RERE: variants seen among roughly 807,000 people sequenced by gnomAD.
RERE encodes arginine-glutamic acid dipeptide repeats protein.
RERE carries 40 observed loss-of-function variants against 146.1 expected under a neutral mutation model. The ratio of observed to expected loss-of-function variants is 0.27; its 90% CI spans 0.21 to 0.36. The LOEUF (loss-of-function observed/expected upper bound fraction) is 0.36, where lower values mean the gene tolerates loss of function less well. RERE is among the 10% of genes least tolerant of loss of function. The pLI is 1.00. For missense variants in RERE, 1,933 were observed against 2,138.7 expected (o/e 0.90, Z 1.90); for synonymous variants, 1,003 against 866.0 (o/e 1.16, Z -2.78).
intron 12 of RERE, among the ~76,000 whole-genome samples, chr1:8,399,005 G>A (rs991416088): frequency 6.6e-6 from 1 of 152,028 alleles, no homozygotes; most frequent in Non-Finnish European, 1.5e-5. Flanking sequence ...TAGTGAGGCT[G>A]CAAAACTTTG....
chr1:8,397,443 C>A (rs1463237528), intron 12 of RERE, among the ~76,000 whole-genome samples: 1 of 148,088 alleles, frequency 6.8e-6, no homozygotes, highest in Non-Finnish European at 1.5e-5. Flanking sequence ...ACCCCAAACC[C>A]CCAGAGAATA....
chr1:8,497,315 T>C, intron 9 of RERE, 90 bp downstream of exon 9: 1 of 1,430,524 alleles, frequency 7.0e-7, no homozygotes, highest in Admixed American at 1.9e-5. Flanking sequence ...AATATAGAAA[T>C]AAAATCTCAG....
At chr1:8,784,581 T>C (rs918862718) in intron 1 of RERE, among the ~76,000 whole-genome samples, 4 of 152,156 alleles carry the variant, frequency 2.6e-5, no homozygotes, top group South Asian at 2.1e-4. Flanking sequence ...TGTATATGTA[T>C]ATGTCTTTTT....
intron 12 of RERE, among the ~76,000 whole-genome samples, chr1:8,403,373 T>C (rs950364278): frequency 6.6e-6 from 1 of 152,104 alleles, no homozygotes; most frequent in East Asian, 1.9e-4. Flanking sequence ...TTGTTTCTAA[T>C]ACTGTTTACT....
intron 4 of RERE, among the ~76,000 whole-genome samples, chr1:8,567,138 T>C (rs1001935886): frequency 9.2e-5 from 14 of 152,090 alleles, no homozygotes; most frequent in African/African-American, 2.4e-4. Context: ...ATGAAAGAAA[T>C]AGAAGACCAT....
chr1:8,762,445 C>A (rs1640772704), intron 1 of RERE, among the ~76,000 whole-genome samples: 1 of 152,076 alleles, frequency 6.6e-6, no homozygotes, highest in Admixed American at 6.6e-5. Flanking sequence ...AACTTGTGCC[C>A]ATTTACTTAA....
At chr1:8,363,792 GC>G (rs1379237210) in intron 15 of RERE, 6 of 528,616 alleles carry the variant, frequency 1.1e-5, no homozygotes. Flanking sequence ...AGCAAGAGGG[GC>G]CTTGGAGAGC....
rs535214061 is a variant in RERE at position 8,479,299 on chromosome 1, A to AT, written c.1105-13277dup. ...ATAATAATAATGAGCTATTTTTTAA[A>AT]TTTTTTTTAAATTTTTTTTAAATTT... On this transcript the variant is annotated intron_variant, in intron 10 of 22. Coordinates refer to ENST00000400908, the MANE Select transcript of RERE (RefSeq NM_001042681.2). 3.3e-5 allele frequency among the ~76,000 whole-genome samples: 5 copies of AT among 151,504 alleles called. No homozygotes were observed. The East Asian group carries it at 5.8e-4, about 18-fold the overall frequency.
chr1:8,491,625 C>A (rs533930038), intron 10 of RERE, among the ~76,000 whole-genome samples: 1 of 152,146 alleles, frequency 6.6e-6, no homozygotes, highest in African/African-American at 2.4e-5. Context: ...CTCAAACAAA[C>A]AAACAAACAA....
intron 7 of RERE, among the ~76,000 whole-genome samples, chr1:8,533,696 T>C (rs1237227443): frequency 3.9e-5 from 6 of 152,228 alleles, no homozygotes; most frequent in Non-Finnish European, 8.8e-5. Context: ...CAATCCAGCC[T>C]CACCATGAGC....
chr1:8,545,459 A>G (rs1046218589), intron 6 of RERE, among the ~76,000 whole-genome samples: 2 of 152,142 alleles, frequency 1.3e-5, no homozygotes, highest in African/African-American at 2.4e-5. Context: ...AATACAAATG[A>G]AAACTGTGGC....
intron 12 of RERE, among the ~76,000 whole-genome samples, chr1:8,367,078 T>C (rs1475612531): frequency 6.6e-6 from 1 of 152,198 alleles, no homozygotes; most frequent in African/African-American, 2.4e-5. Flanking sequence ...ACCCTCACTT[T>C]GTCTCATCAA....
intron 1 of RERE, among the ~76,000 whole-genome samples, chr1:8,730,047 A>G (rs146900343): frequency 3.0e-4 from 46 of 152,376 alleles, no homozygotes; most frequent in African/African-American, 1.1e-3. Flanking sequence ...CAAAGAGAAG[A>G]TTTCAAGTAA....
intron 1 of RERE, among the ~76,000 whole-genome samples, chr1:8,811,227 CT>C (rs928905152): frequency 6.6e-6 from 1 of 152,162 alleles, no homozygotes; most frequent in African/African-American, 2.4e-5. Context: ...CACACTCCCC[CT>C]GAACTGTATT....
intron 12 of RERE, among the ~76,000 whole-genome samples, chr1:8,409,865 A>C (rs1304016834): frequency 6.6e-6 from 1 of 151,908 alleles, no homozygotes; most frequent in Non-Finnish European, 1.5e-5. Flanking sequence ...TATTTCATGC[A>C]TGATGATGTT....
At chr1:8,445,684 C>CT (rs879168605) in intron 11 of RERE, among the ~76,000 whole-genome samples, 71 of 146,064 alleles carry the variant, frequency 4.9e-4, no homozygotes, top group South Asian at 8.7e-4. Flanking sequence ...GGAACCCCAC[C>CT]TTTTTTTTTT....
At chr1:8,645,767 C>G (rs1156749475) in intron 2 of RERE, among the ~76,000 whole-genome samples, 1 of 152,198 alleles carries the variant, frequency 6.6e-6, no homozygotes, top group Non-Finnish European at 1.5e-5. Flanking sequence ...TCCCATTTCT[C>G]TAATTAGAAT....
At chr1:8,731,775 T>C (rs1296556564) in intron 1 of RERE, among the ~76,000 whole-genome samples, 2 of 31,906 alleles carry the variant, frequency 6.3e-5, no homozygotes, top group African/African-American at 5.1e-4. Flanking sequence ...CTAAACATAA[T>C]GTTTTTTTGT....
intron 10 of RERE, among the ~76,000 whole-genome samples, chr1:8,473,755 C>T (rs1644720403): frequency 6.6e-6 from 1 of 152,216 alleles, no homozygotes; most frequent in Non-Finnish European, 1.5e-5. Flanking sequence ...GGGCCTAACA[C>T]CACCAGCCCT....
Sources: gnomAD v4.1 joint callset for allele counts (sites outside exome capture counted in the v4.1 genomes callset) on GRCh38, gnomAD v4.1.1 for gene constraint, MANE v1.5 for transcripts, NCBI Gene and HGNC (gene_info 2026-07-23, HGNC 2026-07-21) for gene names.